OSER1: variants seen among roughly 807,000 people sequenced by gnomAD.
OSER1 encodes the protein oxidative stress responsive serine rich 1.
Under a neutral mutation model 26.3 loss-of-function variants are expected in OSER1, and 15 were observed. The observed-to-expected ratio is 0.57, with a 90% confidence interval of 0.38 to 0.88. The LOEUF is 0.88. OSER1 is among the 40% of genes least tolerant of loss of function. OSER1 has a pLI of 0.00. For missense variants in OSER1, 313 were observed against 353.9 expected, an observed-to-expected ratio of 0.88 and a Z score of 0.93; for synonymous variants, 127 against 128.2, an observed-to-expected ratio of 0.99 and a Z score of 0.07.
At chr20:44,198,369 C>T (rs2072944246) in intron 3 of OSER1, among the ~76,000 whole-genome samples, 1 of 152,134 alleles carries the variant, frequency 6.6e-6, no homozygotes, top group South Asian at 2.1e-4. Context: ...CCTGTAATCC[C>T]AGCACTTTGG....
chr20:44,204,660 G>A (rs1036471138), intron 2 of OSER1, among the ~76,000 whole-genome samples: 6 of 152,016 alleles, frequency 3.9e-5, no homozygotes, highest in Non-Finnish European at 5.9e-5. Context: ...CCCTCCCCAC[G>A]CCAGTAGTCA....
rs1416112012 is a variant in OSER1 at position 44,196,570 on chromosome 20, C to G, written c.*482G>C. 1 of 156,276 alleles carries G rather than the reference C, an allele frequency of 6.4e-6. No individual in the cohort carries two copies. The highest frequency in any genetic ancestry group is 1.4e-5 in the Non-Finnish European group (1 of 70,466). 9.7% of individuals were successfully genotyped at this position (156,276 alleles called of 1,614,324 possible). A position where few individuals can be genotyped will look rare whatever the true frequency, so the allele number is the denominator to read the frequency against. ...TCTGGCTTAACAATAACAAGAGAAA[C>G]CTTTATAGACACAATATATCTTGCA... is the stretch of plus-strand genomic sequence containing the variant. On this transcript the variant is annotated 3_prime_UTR_variant, in exon 4 of 4. Coordinates refer to ENST00000255174, the MANE Select transcript of OSER1 (RefSeq NM_016470.8).
chr20:44,208,115 C>T (rs965663618), intron 1 of OSER1, among the ~76,000 whole-genome samples: 1 of 135,654 alleles, frequency 7.4e-6, no homozygotes, highest in South Asian at 3.1e-4. Context: ...CCCGCCCCCC[C>T]CCGCCCCCAC....
intron 3 of OSER1, among the ~76,000 whole-genome samples, chr20:44,198,651 A>AAAATT (rs200994816): frequency 0.011 from 1,638 of 151,912 alleles, 27 homozygotes; most frequent in African/African-American, 0.037. Flanking sequence ...AAAATAAAAT[A>AAAATT]AAATTAAATA....
intron 3 of OSER1, among the ~76,000 whole-genome samples, chr20:44,202,000 T>A (rs537912803): frequency 6.6e-6 from 1 of 152,264 alleles, no homozygotes; most frequent in African/African-American, 2.4e-5. Flanking sequence ...ACTGATCACA[T>A]TGAATAAAAC....
chr20:44,200,883 T>C (rs537297416), intron 3 of OSER1, among the ~76,000 whole-genome samples: 21 of 152,356 alleles, frequency 1.4e-4, no homozygotes, highest in African/African-American at 4.6e-4. Flanking sequence ...TCAATACCAA[T>C]GTAACGAAAC....
intron 2 of OSER1, among the ~76,000 whole-genome samples, chr20:44,204,299 C>A (rs2145931788): frequency 6.6e-6 from 1 of 152,266 alleles, no homozygotes; most frequent in East Asian, 1.9e-4. Flanking sequence ...ATGAGTCAAT[C>A]CTCAGATATC....
chr20:44,200,514 G>A (rs2072969976), intron 3 of OSER1, among the ~76,000 whole-genome samples: 1 of 152,104 alleles, frequency 6.6e-6, no homozygotes, highest in African/African-American at 2.4e-5. Flanking sequence ...TTACCATACG[G>A]TGCTTTACAA....
chr20:44,205,796 C>T (rs1208752598), intron 2 of OSER1, among the ~76,000 whole-genome samples: 1 of 152,006 alleles, frequency 6.6e-6, no homozygotes, highest in Non-Finnish European at 1.5e-5. Flanking sequence ...AAAAATCAGC[C>T]AGGTGTGGTT....
chr20:44,206,563 G>T (rs986633235), intron 2 of OSER1, among the ~76,000 whole-genome samples: 1 of 152,156 alleles, frequency 6.6e-6, no homozygotes, highest in Non-Finnish European at 1.5e-5. Context: ...TGAGATGTAT[G>T]ATAAAATCCC....
chr20:44,205,374 A>C (rs1458855262), intron 2 of OSER1, among the ~76,000 whole-genome samples: 3 of 152,208 alleles, frequency 2.0e-5, no homozygotes, highest in Non-Finnish European at 4.4e-5. Context: ...ACAATTTATC[A>C]AAGTACTGAT....
chr20:44,206,073 C>G (rs138053362), intron 2 of OSER1, among the ~76,000 whole-genome samples: 2 of 151,646 alleles, frequency 1.3e-5, no homozygotes, highest in East Asian at 3.9e-4. Flanking sequence ...CATCTGTAAA[C>G]TGAAATGACA....
Position 44,197,759 on chromosome 20 carries a change from T to A in OSER1, c.192-20A>T. On this transcript the variant is annotated intron_variant, in intron 3 of 3. Coordinates refer to ENST00000255174, the MANE Select transcript of OSER1 (RefSeq NM_016470.8). ...GTAGACCTAAAGAGGAAAAAAAATA[T>A]ACAAGAAGATGTTGGGATATGGAGC... 1 of 1,528,662 alleles carries A rather than the reference T, an allele frequency of 6.5e-7. No homozygotes were observed. The highest frequency in any genetic ancestry group is 9.0e-7 in the Non-Finnish European group (1 of 1,109,224). The allele number at this position is 1,528,662 out of a possible 1,614,324, so 94.7% of individuals were successfully genotyped here.
chr20:44,200,171 ACTG>A (rs1479979084), intron 3 of OSER1, among the ~76,000 whole-genome samples: 3 of 152,348 alleles, frequency 2.0e-5, no homozygotes, highest in Admixed American at 6.5e-5. Context: ...ACTGTTGGCA[ACTG>A]CTGATCATTG....
intron 1 of OSER1, among the ~76,000 whole-genome samples, chr20:44,207,875 C>T (rs2073054403): frequency 1.3e-5 from 2 of 152,138 alleles, no homozygotes; most frequent in Non-Finnish European, 2.9e-5. Context: ...GAAGAACCAA[C>T]CAAAGCAACA....
chr20:44,200,397 G>A (rs1261898754), intron 3 of OSER1, among the ~76,000 whole-genome samples: 1 of 152,164 alleles, frequency 6.6e-6, no homozygotes, highest in Non-Finnish European at 1.5e-5. Context: ...CACCAGCCAG[G>A]ACGGCCAACC....
chr20:44,210,054 C>G (rs373783318), intron 1 of OSER1: 3 of 152,312 alleles, frequency 2.0e-5, no homozygotes, highest in African/African-American at 7.2e-5. Context: ...CGCAGCGCTG[C>G]AGCCAAAGCA....
At position 44,197,725 on chromosome 20, in the gene OSER1, G is replaced by A; in HGVS notation, c.206C>T (p.Ser69Phe). Residue 69 changes from serine (S) to phenylalanine (F), a missense_variant, in exon 4 of 4, where the codon TCT becomes TTT. Ser to Phe is a radical substitution (Grantham distance 155). Transcript: ENST00000255174. ...CTGAGTTCTCACTGCTCCTCGTGAA[G>A]ACTTCCTTGTAGACCTAAAGAGGAA... Reference protein sequence around the residue: ...KDSWHGSTRKSSRGAVRTQRR... With the variant: ...KDSWHGSTRKFSRGAVRTQRR... 1 of 1,611,606 alleles carries A rather than the reference G, an allele frequency of 6.2e-7. No individual in the cohort carries two copies. The highest frequency in any genetic ancestry group is 8.5e-7 in the Non-Finnish European group (1 of 1,177,958).
chr20:44,204,708 G>A (rs2073021515), intron 2 of OSER1, among the ~76,000 whole-genome samples: 1 of 152,064 alleles, frequency 6.6e-6, no homozygotes, highest in Non-Finnish European at 1.5e-5. Context: ...TGTGTTCAAT[G>A]TTTAGCCCCC....
Sources: allele counts gnomAD v4.1 joint callset (sites outside exome capture counted in the v4.1 genomes callset), GRCh38; gene constraint gnomAD v4.1.1; transcripts MANE v1.5; gene names NCBI Gene and HGNC (gene_info 2026-07-23, HGNC 2026-07-21).